Variants in MIA2 observed in about 807,000 individuals in gnomAD.
The protein encoded by MIA2 is MIA SH3 domain ER export factor 2, also known as melanoma inhibitory activity protein 2.
In MIA2, 127 loss-of-function variants were observed where a neutral mutation model predicts 167.8. The observed-to-expected ratio is 0.76, with a 90% CI of 0.66 to 0.88. The LOEUF is 0.88. Among genes scored for constraint, MIA2 ranks in the 40% least tolerant of loss-of-function variants. The probability of loss-of-function intolerance (pLI) is 0.00; values close to 1 mark genes in which losing one functional copy is unlikely to be tolerated. For synonymous variants in MIA2, 552 were observed against 541.9 expected (o/e 1.02, Z -0.26); for missense variants, 1,690 against 1,624.7 (o/e 1.04, Z -0.69).
At chr14:39,295,154 G>A in intron 13 of MIA2, 125 bp downstream of exon 13, 1 of 696,222 alleles carries the variant, frequency 1.4e-6, no homozygotes, top group Admixed American at 2.7e-5. Flanking sequence ...GAGCAGGACA[G>A]TCTCCCATAC....
chr14:39,262,700 G>A (rs1434904475), intron 6 of MIA2, among the ~76,000 whole-genome samples: 1 of 152,174 alleles, frequency 6.6e-6, no homozygotes, highest in Non-Finnish European at 1.5e-5. Flanking sequence ...ATGAGCAGTG[G>A]TTTGTAGTTC....
intron 6 of MIA2, among the ~76,000 whole-genome samples, chr14:39,258,292 C>T (rs1388942837): frequency 1.3e-5 from 2 of 152,064 alleles, no homozygotes; most frequent in Non-Finnish European, 2.9e-5. Context: ...CCTTTTCATA[C>T]TTTTTTCTCT....
At chr14:39,245,317 TGGA>T (rs2152623559) in intron 3 of MIA2, among the ~76,000 whole-genome samples, 1 of 152,094 alleles carries the variant, frequency 6.6e-6, no homozygotes, top group Non-Finnish European at 1.5e-5. Flanking sequence ...TGGGCCACCC[TGGA>T]AGAAGAAGAA....
At chr14:39,262,401 C>G (rs919832703) in intron 6 of MIA2, among the ~76,000 whole-genome samples, 2 of 152,180 alleles carry the variant, frequency 1.3e-5, no homozygotes, top group Admixed American at 1.3e-4. Context: ...CAGTACCATG[C>G]TGTTTTGGTT....
At chr14:39,328,122 C>A (rs982124546) in intron 25 of MIA2, among the ~76,000 whole-genome samples, 1 of 152,234 alleles carries the variant, frequency 6.6e-6, no homozygotes, top group African/African-American at 2.4e-5. Flanking sequence ...ACATCCTCTG[C>A]AGCATCTGTA....
intron 13 of MIA2, among the ~76,000 whole-genome samples, chr14:39,297,408 A>C (rs11624839): frequency 6.6e-6 from 1 of 151,932 alleles, no homozygotes; most frequent in Non-Finnish European, 1.5e-5. Context: ...GGGTATTTCT[A>C]ATTGGAGGAT....
intron 25 of MIA2, among the ~76,000 whole-genome samples, chr14:39,339,590 AAAAGGTG>A: frequency 6.6e-6 from 1 of 152,330 alleles, no homozygotes; most frequent in Non-Finnish European, 1.5e-5. Context: ...TAAATTATTA[AAAAGGTG>A]TAGTTATGTA....
rs545410418 is a variant in MIA2, at chr14:39,319,974, G to A, written c.3367+683G>A. Among the ~76,000 whole-genome samples the A allele has an allele frequency of 2.0e-5, 3 of 152,170 alleles. No homozygotes were observed. The East Asian group carries it at 5.8e-4, about 29-fold the overall frequency. On this transcript the variant is annotated intron_variant, in intron 23 of 28. Transcript: ENST00000640607. ...AATTCCATTTTAATAACCTTGGAAA[G>A]TTATAAAAATCACTTTTGAGAGTAA...
At chr14:39,252,695 C>T in intron 4 of MIA2, 53 bp from the exon 5 acceptor site, 1 of 1,393,024 alleles carries the variant, frequency 7.2e-7, no homozygotes. Context: ...AAAGGGGAGC[C>T]CTCAACAAAG....
At chr14:39,266,169 G>C in intron 6 of MIA2, 2 of 985,414 alleles carry the variant, frequency 2.0e-6, no homozygotes, top group Non-Finnish European at 2.4e-6. Flanking sequence ...TTGTTTAGGA[G>C]GAAGTATCTG....
At chr14:39,270,963 T>G (rs7153292) in intron 6 of MIA2, among the ~76,000 whole-genome samples, 4,785 of 152,304 alleles carry the variant, frequency 0.031, 267 homozygotes, top group African/African-American at 0.11. Context: ...GTTCTAAATT[T>G]TGATTAAGTC....
rs1483602020 is a variant in MIA2, at chr14:39,345,786, A to C, written c.3656-118A>C. On this transcript the variant is annotated intron_variant, in intron 25 of 28. Coordinates refer to ENST00000640607, the MANE Select transcript of MIA2 (RefSeq NM_001329214.4). ...AAATTGTCTACTGTTGTCAACCAAG[A>C]AGATGATGAGTTTAAGTGTTAGAAT... 6.7e-6 allele frequency: 5 copies of C among 746,468 alleles called. No individual in the cohort carries two copies. The East Asian group carries it at 1.4e-4, about 21-fold the overall frequency. 46.2% of individuals were successfully genotyped at this position (746,468 alleles called of 1,614,324 possible).
At chr14:39,384,424 C>A (rs1301191885) in intron 23 of MIA2, among the ~76,000 whole-genome samples, 2 of 152,160 alleles carry the variant, frequency 1.3e-5, no homozygotes, top group African/African-American at 4.8e-5. Context: ...CAAGGAAATT[C>A]ATGTTTTCAT....
intron 25 of MIA2, among the ~76,000 whole-genome samples, chr14:39,334,084 A>G (rs1566963422): frequency 6.6e-6 from 1 of 152,336 alleles, no homozygotes; most frequent in East Asian, 1.9e-4. Flanking sequence ...AATTAGAGTA[A>G]TGCTGATAAA....
At chr14:39,358,239 G>A (rs1400989535) in intron 23 of MIA2, among the ~76,000 whole-genome samples, 2 of 152,152 alleles carry the variant, frequency 1.3e-5, no homozygotes, top group Non-Finnish European at 2.9e-5. Flanking sequence ...TTTCTTGGAG[G>A]CTTTGTTCGT....
chr14:39,276,856 T>C (rs562895988), intron 6 of MIA2, 78 bp from the exon 7 acceptor site: 3 of 1,517,546 alleles, frequency 2.0e-6, no homozygotes, highest in African/African-American at 2.8e-5. Flanking sequence ...GTTGACCACA[T>C]AAACTTGTAC....
intron 23 of MIA2, among the ~76,000 whole-genome samples, chr14:39,377,594 C>T (rs2075068714): frequency 6.6e-6 from 1 of 152,072 alleles, no homozygotes; most frequent in African/African-American, 2.4e-5. Context: ...AACAGGTATA[C>T]TATAATTTAA....
At chr14:39,291,987 A>G (rs1353213794) in intron 10 of MIA2, among the ~76,000 whole-genome samples, 2 of 152,208 alleles carry the variant, frequency 1.3e-5, no homozygotes, top group Non-Finnish European at 2.9e-5. Context: ...GCAGTTCTCA[A>G]TCACTGCTCT....
In MIA2 at chr14:39,247,973, C is replaced by G. The variant is rs374855879; in HGVS notation, c.1399C>G (p.Pro467Ala). 6 of 1,595,780 alleles carry G rather than the reference C, an allele frequency of 3.8e-6. No individual in the cohort carries two copies. In the Admixed American group the frequency reaches 7.4e-5, roughly 20 times the overall value. Residue 467 changes from proline (P) to alanine (A), a missense_variant, in exon 4 of 29, where the codon CCT becomes GCT. Pro to Ala is a conservative substitution (Grantham distance 27). Coordinates refer to ENST00000640607, the MANE Select transcript of MIA2 (RefSeq NM_001329214.4). ...LKKFLYNFDN[P>A]WNFQNIPKET... Reference sequence around the variant, plus strand: ...AAAGTTCTTGTATAATTTTGACAACCCTTGGAACTTCCAGAACATTCCAAA... The same window carrying G: ...AAAGTTCTTGTATAATTTTGACAACGCTTGGAACTTCCAGAACATTCCAAA...
Sources: allele counts gnomAD v4.1 joint callset (sites outside exome capture counted in the v4.1 genomes callset), GRCh38; gene constraint gnomAD v4.1.1; transcripts MANE v1.5; gene names NCBI Gene and HGNC (gene_info 2026-07-23, HGNC 2026-07-21).